VAMP1: variants seen among roughly 807,000 people sequenced by gnomAD.
VAMP1 encodes the protein vesicle-associated membrane protein 1.
A neutral mutation model predicts 19.1 loss-of-function variants in VAMP1; 16 were observed. The ratio of observed to expected loss-of-function variants is 0.84; its 90% CI spans 0.57 to 1.27. The LOEUF (loss-of-function observed/expected upper bound fraction) is 1.27. Among genes scored for constraint, VAMP1 ranks in the 50% most tolerant of loss-of-function variants. The probability of loss-of-function intolerance (pLI) is 0.00; values close to 1 mark genes in which losing one functional copy is unlikely to be tolerated. For synonymous variants in VAMP1, 37 were observed against 50.2 expected (o/e 0.74, Z 1.11); for missense variants, 109 against 145.4 (o/e 0.75, Z 1.29).
intron 1 of VAMP1, 104 bp from the exon 2 acceptor site, chr12:6,466,455 G>A: frequency 2.2e-6 from 3 of 1,335,586 alleles, no homozygotes; most frequent in Non-Finnish European, 3.0e-6. Context: ...GGCTGAAGTG[G>A]GAGGAGCGCT....
In VAMP1 at chr12:6,464,474, G is replaced by C; in HGVS notation, c.353C>G (p.Thr118Ser). The part of the protein sequence containing the change: ...IVVVIVIYFF[T>S] ...CAGGGAAGGGGTGGTACATTCTCAAGTAAAAAAGTAGACTGGACACAGGAA... is the reference window on the plus strand; with the variant it reads ...CAGGGAAGGGGTGGTACATTCTCAACTAAAAAAGTAGACTGGACACAGGAA... The change falls in exon 5 of 5, where the codon ACT becomes AGT. Residue 118 changes from threonine to serine, a missense_variant. Thr to Ser is a moderately conservative substitution (Grantham distance 58, BLOSUM62 1). Coordinates refer to ENST00000396308, the MANE Select transcript of VAMP1 (RefSeq NM_014231.5). 6.5e-7 allele frequency: 1 copy of C among 1,541,884 alleles called. No homozygotes were observed. The highest frequency in any genetic ancestry group is 8.7e-7 in the Non-Finnish European group (1 of 1,142,874).
At chr12:6,467,170 A>T (rs1391969400) in intron 1 of VAMP1, 2 of 159,622 alleles carry the variant, frequency 1.3e-5, no homozygotes, top group Non-Finnish European at 2.7e-5. Flanking sequence ...GCATGAAAAC[A>T]GACTAATACA....
rs1425236657 is a variant in VAMP1 at position 6,463,780 on chromosome 12, TG to T, written c.*689del. On this transcript the variant is annotated 3_prime_UTR_variant, in exon 5 of 5. Coordinates refer to ENST00000396308, the MANE Select transcript of VAMP1 (RefSeq NM_014231.5). The surrounding 1 kb of genome is among the most constrained non-coding windows in gnomAD (Gnocchi z 4.0). Reference sequence around the variant, plus strand: ...GAAGCACATGGGACTGCTTCTAGGATGGAAACAAGTCCTGCTATTTTCACAA... The same window carrying T: ...GAAGCACATGGGACTGCTTCTAGGATGAAACAAGTCCTGCTATTTTCACAA... 8.4e-7 allele frequency: 1 copy of T among 1,184,636 alleles called. No individual in the cohort carries two copies. The highest frequency in any genetic ancestry group is 3.8e-5 in the Admixed American group (1 of 26,662). 73.4% of individuals were successfully genotyped at this position (1,184,636 alleles called of 1,614,324 possible). A position where few individuals can be genotyped will look rare whatever the true frequency, so the allele number is the denominator to read the frequency against.
In VAMP1 at chr12:6,464,243, C is replaced by A. The variant is rs546342393; in HGVS notation, c.*227G>T. 1.1e-5 allele frequency: 16 copies of A among 1,522,538 alleles called. No individual in the cohort carries two copies. Among genetic ancestry groups the A allele is most frequent in the Non-Finnish European group, 1.3e-5 (15 of 1,135,340 alleles). The allele number at this position is 1,522,538 out of a possible 1,614,324, so 94.3% of individuals were successfully genotyped here. A position where few individuals can be genotyped will look rare whatever the true frequency, so the allele number is the denominator to read the frequency against. ...ACAGAAAAAGCAGGCAGGGAGGAGGCGCCAGCTGTTGCTCTTCGGGTAATG... is the reference window on the plus strand; with the variant it reads ...ACAGAAAAAGCAGGCAGGGAGGAGGAGCCAGCTGTTGCTCTTCGGGTAATG... On this transcript the variant is annotated 3_prime_UTR_variant, in exon 5 of 5. Transcript: ENST00000396308.
Position 6,464,230 on chromosome 12 carries a change from G to A in VAMP1, c.*240C>T. 2 of 1,515,070 alleles carry A rather than the reference G, an allele frequency of 1.3e-6. No homozygotes were observed. The highest frequency in any genetic ancestry group is 1.2e-5 in the South Asian group (1 of 82,960). 93.9% of individuals were successfully genotyped at this position (1,515,070 alleles called of 1,614,324 possible). On this transcript the variant is annotated 3_prime_UTR_variant, in exon 5 of 5. Transcript: ENST00000396308. ...GGAACTTGAGAGTACAGAAAAAGCA[G>A]GCAGGGAGGAGGCGCCAGCTGTTGC...
rs894090650 is a variant in VAMP1, at chr12:6,463,995, G to A, written c.*475C>T. The A allele has an allele frequency of 7.7e-7, 1 of 1,291,696 alleles. No individual in the cohort carries two copies. The highest frequency in any genetic ancestry group is 1.0e-6 in the Non-Finnish European group (1 of 990,432). 80.0% of individuals were successfully genotyped at this position (1,291,696 alleles called of 1,614,324 possible). A position where few individuals can be genotyped will look rare whatever the true frequency, so the allele number is the denominator to read the frequency against. ...AGGACCCTCTTCAGGCCTGGTCCAG[G>A]AAGGAAAGCTCCACATGACCAGGCA... On this transcript the variant is annotated 3_prime_UTR_variant, in exon 5 of 5. Transcript: ENST00000396308. The surrounding 1 kb of genome is among the most constrained non-coding windows in gnomAD (Gnocchi z 4.0).
At chr12:6,468,822 A>C (rs1945696558) in intron 1 of VAMP1, among the ~76,000 whole-genome samples, 1 of 152,192 alleles carries the variant, frequency 6.6e-6, no homozygotes, top group South Asian at 2.1e-4. Flanking sequence ...CCAAGGAAGC[A>C]CCCACAGGCA....
At chr12:6,464,753 C>T in intron 4 of VAMP1, 137 bp downstream of exon 4, 5 of 1,529,580 alleles carry the variant, frequency 3.3e-6, no homozygotes, top group Non-Finnish European at 4.4e-6. Context: ...CCGTCCCGAA[C>T]CAGGTGACGA....
intron 1 of VAMP1, 81 bp downstream of exon 1, chr12:6,470,449 C>A (rs1565529674): frequency 2.5e-6 from 4 of 1,602,446 alleles, no homozygotes; most frequent in Non-Finnish European, 3.4e-6. Context: ...TGCATTGCGC[C>A]ATTTTCCGTC....
intron 1 of VAMP1, among the ~76,000 whole-genome samples, chr12:6,469,843 CT>C (rs1945725940): frequency 6.6e-6 from 1 of 152,184 alleles, no homozygotes; most frequent in Non-Finnish European, 1.5e-5. Context: ...GAAAGCTCAG[CT>C]CTCCCTATTT....
At chr12:6,469,037 G>A (rs1236742441) in intron 1 of VAMP1, among the ~76,000 whole-genome samples, 1 of 152,170 alleles carries the variant, frequency 6.6e-6, no homozygotes, top group Non-Finnish European at 1.5e-5. Context: ...TTGATTAAGT[G>A]AATTTCTTTT....
Position 6,463,810 on chromosome 12 carries a change from C to T in VAMP1, c.*660G>A. 1 of 1,203,722 alleles carries T rather than the reference C, an allele frequency of 8.3e-7. No individual in the cohort carries two copies. Among genetic ancestry groups the T allele is most frequent in the Non-Finnish European group, 1.1e-6 (1 of 949,818 alleles). 74.6% of individuals were successfully genotyped at this position (1,203,722 alleles called of 1,614,324 possible). A position where few individuals can be genotyped will look rare whatever the true frequency, so the allele number is the denominator to read the frequency against. ...ACAAGTCCTGCTATTTTCACAATCC[C>T]TAAGTGTTCTCCAGGCCTCTGGAGA... On this transcript the variant is annotated 3_prime_UTR_variant, in exon 5 of 5. Coordinates refer to ENST00000396308, the MANE Select transcript of VAMP1 (RefSeq NM_014231.5). This position sits in a 1 kb window ranked among gnomAD's most constrained non-coding sequence, Gnocchi z 4.0.
Position 6,470,584 on chromosome 12 carries a change from CACCCGGTGAGGG to C in VAMP1, c.-65_-54del. On this transcript the variant is annotated 5_prime_UTR_variant, in exon 1 of 5. Coordinates refer to ENST00000396308, the MANE Select transcript of VAMP1 (RefSeq NM_014231.5). ...TTCCTCTCCGGAGGCTGCGGCGAGA[CACCCGGTGAGGG>C]ACGCTGCGGCTGAAGTGGACGGAAC... is the stretch of plus-strand genomic sequence containing the variant. The C allele has an allele frequency of 1.9e-6, 3 of 1,612,644 alleles. No individual in the cohort carries two copies. Among genetic ancestry groups the C allele is most frequent in the Non-Finnish European group, 2.5e-6 (3 of 1,178,912 alleles).
chr12:6,468,803 T>G (rs570433967), intron 1 of VAMP1, among the ~76,000 whole-genome samples: 2 of 152,286 alleles, frequency 1.3e-5, no homozygotes, highest in South Asian at 4.1e-4. Flanking sequence ...AGTCATGAGA[T>G]GTTCTCGGCC....
rs920006253 is a variant in VAMP1 at position 6,463,170 on chromosome 12, G to A, written c.*1300C>T. On this transcript the variant is annotated 3_prime_UTR_variant, in exon 5 of 5. Coordinates refer to ENST00000396308, the MANE Select transcript of VAMP1 (RefSeq NM_014231.5). The surrounding 1 kb of genome is among the most constrained non-coding windows in gnomAD (Gnocchi z 4.0). ...ATACACACAAACCATGCAAAGAGGA[G>A]GAAGAGAAAGGAGGCAAAGTAGAAT... is the stretch of plus-strand genomic sequence containing the variant. 1.1e-5 allele frequency: 16 copies of A among 1,440,932 alleles called. No homozygotes were observed. Among genetic ancestry groups the A allele is most frequent in the Middle Eastern group, 2.5e-4 (1 of 3,930 alleles). 89.3% of individuals were successfully genotyped at this position (1,440,932 alleles called of 1,614,324 possible).
chr12:6,465,373 A>ATGTATATAT (rs1565525991), intron 3 of VAMP1: 2 of 104,214 alleles, frequency 1.9e-5, no homozygotes, highest in Non-Finnish European at 3.8e-5. Flanking sequence ...TATATATATA[A>ATGTATATAT]ATGTATATAT....
chr12:6,466,376 C>T (rs1950026231), intron 1 of VAMP1, 25 bp from the exon 2 acceptor site: 6 of 1,595,384 alleles, frequency 3.8e-6, no homozygotes, highest in Non-Finnish European at 4.3e-6. Context: ...GTGCAGAGTA[C>T]ACAAAGTGAC....
intron 1 of VAMP1, among the ~76,000 whole-genome samples, chr12:6,470,042 G>A (rs1434930047): frequency 2.0e-5 from 3 of 152,212 alleles, no homozygotes; most frequent in East Asian, 1.9e-4. Context: ...CATGAGGGGG[G>A]CTAGACATCA....
chr12:6,465,383 T>TATATATAA (rs1555130168), intron 3 of VAMP1: 28 of 87,376 alleles, frequency 3.2e-4, no homozygotes, highest in East Asian at 6.2e-4. Context: ...AATGTATATA[T>TATATATAA]ATGTATATAT....
Sources: gnomAD v4.1 joint callset for allele counts (sites outside exome capture counted in the v4.1 genomes callset) on GRCh38, gnomAD v4.1.1 for gene constraint, Gnocchi (gnomAD v3.1) non-coding constraint, MANE v1.5 for transcripts, NCBI Gene and HGNC (gene_info 2026-07-23, HGNC 2026-07-21) for gene names.